The following NEK11 variants were observed in gnomAD, a reference collection of about 807,000 sequenced individuals.
NEK11 encodes the protein serine/threonine-protein kinase Nek11.
A neutral mutation model predicts 80.7 loss-of-function variants in NEK11; 72 were observed. The observed-to-expected ratio is 0.89, with a 90% CI of 0.74 to 1.08. NEK11 has a LOEUF of 1.08. NEK11 is among the 50% of genes least tolerant of loss of function. The pLI is 0.00. For synonymous variants in NEK11, 251 were observed against 260.7 expected (o/e 0.96, Z 0.36); for missense variants, 764 against 763.6 (o/e 1.00, Z -0.01).
chr3:131,116,629 C>T (rs1216434553), intron 5 of NEK11, among the ~76,000 whole-genome samples: 9 of 152,312 alleles, frequency 5.9e-5, no homozygotes, highest in African/African-American at 2.2e-4. Context: ...ACATCCTCTC[C>T]AGCACCTGTT....
At chr3:131,341,717 G>A (rs1347057511) in intron 17 of NEK11, among the ~76,000 whole-genome samples, 1 of 151,732 alleles carries the variant, frequency 6.6e-6, no homozygotes, top group Non-Finnish European at 1.5e-5. Context: ...TTTCTTCTTT[G>A]TGAATTGAAT....
At chr3:131,291,644 T>C (rs1054570632) in intron 17 of NEK11, among the ~76,000 whole-genome samples, 5 of 152,202 alleles carry the variant, frequency 3.3e-5, no homozygotes, top group Non-Finnish European at 5.9e-5. Context: ...TTTTAGTCAT[T>C]CTAATAAGTA....
chr3:131,191,151 A>T (rs905260881), intron 14 of NEK11, among the ~76,000 whole-genome samples: 1 of 152,210 alleles, frequency 6.6e-6, no homozygotes, highest in African/African-American at 2.4e-5. Flanking sequence ...CAAAAAATAC[A>T]TTTAATACCT....
At chr3:131,132,472 C>T (rs1415294030) in intron 5 of NEK11, among the ~76,000 whole-genome samples, 2 of 151,954 alleles carry the variant, frequency 1.3e-5, no homozygotes, top group Non-Finnish European at 2.9e-5. Context: ...GCTACAAAAA[C>T]ATAATAAAAT....
At chr3:131,278,322 G>A (rs969599413) in intron 17 of NEK11, among the ~76,000 whole-genome samples, 3 of 152,194 alleles carry the variant, frequency 2.0e-5, no homozygotes, top group African/African-American at 7.2e-5. Flanking sequence ...TTGGCAAAAT[G>A]ACAAGAAGTC....
chr3:131,058,219 G>A, intron 3 of NEK11, among the ~76,000 whole-genome samples: 1 of 152,082 alleles, frequency 6.6e-6, no homozygotes, highest in East Asian at 1.9e-4. Flanking sequence ...CGTTATTTCT[G>A]AGGGCTCTGT....
At chr3:131,121,798 T>A (rs1390905433) in intron 5 of NEK11, among the ~76,000 whole-genome samples, 1 of 152,188 alleles carries the variant, frequency 6.6e-6, no homozygotes, top group East Asian at 1.9e-4. Flanking sequence ...GCATGGGATA[T>A]AATCTCCTGG....
chr3:131,298,582 A>G (rs2096626730), intron 17 of NEK11, among the ~76,000 whole-genome samples: 1 of 152,118 alleles, frequency 6.6e-6, no homozygotes, highest in Non-Finnish European at 1.5e-5. Context: ...GTCTAATGTA[A>G]TTCTTATCTT....
intron 17 of NEK11, among the ~76,000 whole-genome samples, chr3:131,342,232 T>C (rs993553844): frequency 1.3e-5 from 2 of 152,216 alleles, no homozygotes; most frequent in Non-Finnish European, 2.9e-5. Context: ...AGACAGCCAT[T>C]TGAAACACTA....
At chr3:131,220,757 G>A (rs1355680863) in intron 14 of NEK11, among the ~76,000 whole-genome samples, 1 of 152,162 alleles carries the variant, frequency 6.6e-6, no homozygotes, top group Non-Finnish European at 1.5e-5. Context: ...GATTAGATAT[G>A]CAGAGAGAGG....
chr3:131,209,433 A>G (rs936177379), intron 14 of NEK11, among the ~76,000 whole-genome samples: 5 of 152,146 alleles, frequency 3.3e-5, no homozygotes, highest in African/African-American at 1.2e-4. Context: ...TTGGTCTAAA[A>G]TTCTCTTTTT....
At chr3:131,078,099 A>G (rs1282282539) in intron 3 of NEK11, among the ~76,000 whole-genome samples, 2 of 152,168 alleles carry the variant, frequency 1.3e-5, no homozygotes, top group Non-Finnish European at 1.5e-5. Flanking sequence ...GCCCTTTCTA[A>G]TGCAAATTGG....
chr3:131,318,672 A>G (rs2096867683), intron 17 of NEK11, among the ~76,000 whole-genome samples: 1 of 151,814 alleles, frequency 6.6e-6, no homozygotes. Flanking sequence ...GAGAAAAGGA[A>G]GATGCAGAAC....
chr3:131,093,608 G>A (rs572272815), intron 4 of NEK11, among the ~76,000 whole-genome samples: 5 of 152,012 alleles, frequency 3.3e-5, no homozygotes, highest in Middle Eastern at 3.4e-3. Context: ...GTAGAGATGG[G>A]GTTTCACCAT....
chr3:131,206,097 A>G (rs987808512), intron 14 of NEK11, among the ~76,000 whole-genome samples: 1 of 152,180 alleles, frequency 6.6e-6, no homozygotes, highest in African/African-American at 2.4e-5. Context: ...ACATTCACCA[A>G]AAGAAGCCTT....
intron 17 of NEK11, among the ~76,000 whole-genome samples, chr3:131,288,854 A>G (rs547526084): frequency 6.6e-6 from 1 of 152,290 alleles, no homozygotes; most frequent in Non-Finnish European, 1.5e-5. Context: ...AATGTTTTGT[A>G]TAGTATAATA....
chr3:131,111,269 C>G (rs1301559379), intron 5 of NEK11, among the ~76,000 whole-genome samples: 1 of 151,856 alleles, frequency 6.6e-6, no homozygotes, highest in Non-Finnish European at 1.5e-5. Flanking sequence ...ATTTTTAATC[C>G]TTTAATATTC....
chr3:131,080,077 A>G (rs2075015382), intron 3 of NEK11, among the ~76,000 whole-genome samples: 1 of 150,858 alleles, frequency 6.6e-6, no homozygotes, highest in Non-Finnish European at 1.5e-5. Context: ...ATGAACACAC[A>G]TAGAAAGAGA....
chr3:131,048,219 T>G (rs2067736704), intron 3 of NEK11, among the ~76,000 whole-genome samples: 1 of 152,196 alleles, frequency 6.6e-6, no homozygotes, highest in Non-Finnish European at 1.5e-5. Context: ...TGAGAAAGCA[T>G]GCAGGACTTT....
Sources: allele counts gnomAD v4.1 joint callset (sites outside exome capture counted in the v4.1 genomes callset), GRCh38; gene constraint gnomAD v4.1.1; transcripts MANE v1.5; gene names NCBI Gene and HGNC (gene_info 2026-07-23, HGNC 2026-07-21).